The following PCDHGA2 variants were observed in gnomAD, a reference collection of about 807,000 sequenced individuals.
PCDHGA2 encodes protocadherin gamma subfamily A, 2.
Under a neutral mutation model 59.2 loss-of-function variants are expected in PCDHGA2, and 40 were observed. The observed-to-expected ratio is 0.68, with a 90% CI of 0.52 to 0.88. The LOEUF (loss-of-function observed/expected upper bound fraction) is 0.88, where lower values mean the gene tolerates loss of function less well. Among genes scored for constraint, PCDHGA2 ranks in the 40% least tolerant of loss-of-function variants. The pLI is 0.00. For synonymous variants in PCDHGA2, 560 were observed against 526.0 expected, an observed-to-expected ratio of 1.06 and a Z score of -0.89; for missense variants, 1,226 against 1,204.0, an observed-to-expected ratio of 1.02 and a Z score of -0.27.
intron 1 of PCDHGA2, chr5:141,383,693 A>C (rs771447649): frequency 3.7e-6 from 6 of 1,613,930 alleles, no homozygotes; most frequent in Non-Finnish European, 5.1e-6. Context: ...CTCACGGTAC[A>C]TGCTATCGAC....
chr5:141,483,444 T>C (rs956913442), intron 1 of PCDHGA2, among the ~76,000 whole-genome samples: 1 of 152,108 alleles, frequency 6.6e-6, no homozygotes, highest in African/African-American at 2.4e-5. Context: ...TACAATAAAA[T>C]CATCAGGACT....
At chr5:141,352,604 T>C in intron 1 of PCDHGA2, 1 of 1,613,552 alleles carries the variant, frequency 6.2e-7, no homozygotes, top group Non-Finnish European at 8.5e-7. Context: ...TGATGATCCT[T>C]CTATGGTTGT....
rs768907590 is a variant in PCDHGA2, at chr5:141,422,045, G to C, written c.2425-72762G>C. Reference sequence around the variant, plus strand: ...GTTAATGCAACGGATCCAGACGAGGGAATCAACGGGGAAGTAATGTATTCA... The same window carrying C: ...GTTAATGCAACGGATCCAGACGAGGCAATCAACGGGGAAGTAATGTATTCA... On this transcript the variant is annotated intron_variant, in intron 1 of 3. Transcript: ENST00000394576. 1.5e-5 allele frequency: 24 copies of C among 1,611,434 alleles called. No individual in the cohort carries two copies. The Admixed American group carries it at 3.9e-4, about 26-fold the overall frequency.
chr5:141,365,905 G>C (rs539434078), intron 1 of PCDHGA2: 14 of 1,614,190 alleles, frequency 8.7e-6, no homozygotes, highest in Non-Finnish European at 1.1e-5. Flanking sequence ...ATGAGCAGTT[G>C]AGAGACCTAC....
At position 141,399,013 on chromosome 5, in the gene PCDHGA2, G is replaced by A. The variant is rs145783835; in HGVS notation, c.2424+57618G>A. 9.5e-3 allele frequency: 15,345 copies of A among 1,613,900 alleles called. 158 individuals are homozygous for A. Among genetic ancestry groups the A allele is most frequent in the South Asian group, 0.02 (1,850 of 91,076 alleles). On this transcript the variant is annotated intron_variant, in intron 1 of 3. Coordinates refer to ENST00000394576, the MANE Select transcript of PCDHGA2 (RefSeq NM_018915.4). ...CTTTAGTCTGAATTCAAAGAGCGGA[G>A]AAATTACCACTCAAAAGAAACTGGA...
intron 1 of PCDHGA2, chr5:141,409,000 C>T (rs779251035): frequency 6.2e-7 from 1 of 1,613,950 alleles, no homozygotes; most frequent in South Asian, 1.1e-5. Context: ...AAGTGACAGC[C>T]ACTGACCAGG....
At chr5:141,422,375 TCTC>T in intron 1 of PCDHGA2, 1 of 1,570,814 alleles carries the variant, frequency 6.4e-7, no homozygotes, top group Non-Finnish European at 8.6e-7. Context: ...AATGGTCAAG[TCTC>T]CTGTTTTATT....
At chr5:141,478,488 G>A in intron 1 of PCDHGA2, 1 of 1,613,320 alleles carries the variant, frequency 6.2e-7, no homozygotes, top group Non-Finnish European at 8.5e-7. Context: ...ACGCTGCGGA[G>A]CTGTGATCCG....
At position 141,486,218 on chromosome 5, in the gene PCDHGA2, T is replaced by A. The variant is rs1467104398; in HGVS notation, c.2425-8589T>A. The A allele has an allele frequency of 2.5e-6, 4 of 1,614,004 alleles. No homozygotes were observed. The African/African-American group carries it at 5.3e-5, about 22-fold the overall frequency. On this transcript the variant is annotated intron_variant, in intron 1 of 3. Transcript: ENST00000394576. The surrounding 1 kb of genome is among the most constrained non-coding windows in gnomAD (Gnocchi z 5.0). ...GCTGGACGTAAATGACAATGCCCCT[T>A]ACATCACAGTGACCTCAGAGCTTGG...
At chr5:141,394,282 C>G (rs375429182) in intron 1 of PCDHGA2, 11 of 1,613,864 alleles carry the variant, frequency 6.8e-6, no homozygotes, top group Non-Finnish European at 8.5e-6. Flanking sequence ...GTCACTTACT[C>G]TGTGACCGAG....
intron 1 of PCDHGA2, chr5:141,427,884 G>T (rs1346875505): frequency 5.1e-6 from 8 of 1,564,634 alleles, no homozygotes; most frequent in African/African-American, 2.7e-5. Flanking sequence ...GCAGGCCCAC[G>T]ACCAGGGCTC....
At chr5:141,473,330 C>T (rs1431360397) in intron 1 of PCDHGA2, among the ~76,000 whole-genome samples, 2 of 152,208 alleles carry the variant, frequency 1.3e-5, no homozygotes, top group East Asian at 3.8e-4. Flanking sequence ...TAAGTGCCTG[C>T]TGTGCTAGAC....
chr5:141,398,782 C>T (rs763578317), intron 1 of PCDHGA2: 1 of 1,613,908 alleles, frequency 6.2e-7, no homozygotes, highest in Non-Finnish European at 8.5e-7. Context: ...GGACGGTGGA[C>T]ATCCACCCCT....
chr5:141,420,415 T>G, intron 1 of PCDHGA2: 1 of 1,217,298 alleles, frequency 8.2e-7, no homozygotes, highest in Non-Finnish European at 1.1e-6. Flanking sequence ...TTATCATTAT[T>G]AAAACAAAAG....
Position 141,430,800 on chromosome 5 carries a change from T to C in PCDHGA2, c.2425-64007T>C, listed in dbSNP as rs770490590. 2.6e-6 allele frequency: 4 copies of C among 1,524,818 alleles called. No homozygotes were observed. In the South Asian group the frequency reaches 5.3e-5, roughly 20 times the overall value. 94.5% of individuals were successfully genotyped at this position (1,524,818 alleles called of 1,614,324 possible). A position where few individuals can be genotyped will look rare whatever the true frequency, so the allele number is the denominator to read the frequency against. ...CTGCACCGGGACTACAAAGGGCTTG[T>C]CCTGCTGGGAATCCTCCTGGGGACT... is the stretch of plus-strand genomic sequence containing the variant. On this transcript the variant is annotated intron_variant, in intron 1 of 3. Transcript: ENST00000394576.
intron 1 of PCDHGA2, among the ~76,000 whole-genome samples, chr5:141,349,763 G>T (rs1486188540): frequency 6.6e-6 from 1 of 151,916 alleles, no homozygotes; most frequent in African/African-American, 2.4e-5. Context: ...TCATGCCAGA[G>T]TTTATAAATA....
intron 1 of PCDHGA2, chr5:141,427,019 CAA>C (rs1369360584): frequency 8.8e-6 from 4 of 456,798 alleles, no homozygotes; most frequent in Admixed American, 2.3e-5. Flanking sequence ...AGGATGTATA[CAA>C]AGTCAGCCTT....
chr5:141,354,069 C>A (rs1759464021), intron 1 of PCDHGA2, among the ~76,000 whole-genome samples: 1 of 152,146 alleles, frequency 6.6e-6, no homozygotes, highest in South Asian at 2.1e-4. Context: ...TGTTCGGCTA[C>A]CAAAACATTT....
chr5:141,494,237 G>A (rs555725765), intron 1 of PCDHGA2, among the ~76,000 whole-genome samples: 3 of 152,312 alleles, frequency 2.0e-5, no homozygotes, highest in East Asian at 3.9e-4. Flanking sequence ...AATTAATAAT[G>A]TATTTAGCTG....
Sources: allele counts gnomAD v4.1 joint callset (sites outside exome capture counted in the v4.1 genomes callset), GRCh38; gene constraint gnomAD v4.1.1; non-coding constraint Gnocchi (gnomAD v3.1); transcripts MANE v1.5; gene names NCBI Gene and HGNC (gene_info 2026-07-23, HGNC 2026-07-21).